Variants in CALCOCO2 observed in about 807,000 individuals in gnomAD.
The protein encoded by CALCOCO2 is calcium-binding and coiled-coil domain-containing protein 2.
In CALCOCO2, 42 loss-of-function variants were observed where a neutral mutation model predicts 62.5. That is an observed-to-expected ratio of 0.67 (90% CI 0.53 to 0.87). The LOEUF (loss-of-function observed/expected upper bound fraction) is 0.87, where lower values mean the gene tolerates loss of function less well. CALCOCO2 is among the 40% of genes least tolerant of loss of function. The pLI is 0.00. For synonymous variants in CALCOCO2, 167 were observed against 173.0 expected (o/e 0.97, Z 0.27); for missense variants, 456 against 515.0 (o/e 0.89, Z 1.11).
chr17:48,835,850 A>G (rs1395929762), intron 1 of CALCOCO2, among the ~76,000 whole-genome samples: 2 of 151,858 alleles, frequency 1.3e-5, no homozygotes, highest in African/African-American at 4.8e-5. Flanking sequence ...CCTGGGTTCA[A>G]GCGATTCTCT....
At chr17:48,848,582 T>A in intron 4 of CALCOCO2, 127 bp downstream of exon 4, 1 of 825,180 alleles carries the variant, frequency 1.2e-6, no homozygotes, top group Non-Finnish European at 2.0e-6. Context: ...ATGTATGTAG[T>A]ACTCACACAG....
At chr17:48,834,807 G>A (rs932002013) in intron 1 of CALCOCO2, among the ~76,000 whole-genome samples, 6 of 152,166 alleles carry the variant, frequency 3.9e-5, no homozygotes, top group African/African-American at 1.4e-4. Flanking sequence ...CAGCACTTTG[G>A]GAGGCCAATG....
intron 3 of CALCOCO2, 77 bp from the exon 4 acceptor site, chr17:48,848,245 G>T: frequency 6.5e-7 from 1 of 1,536,038 alleles, no homozygotes; most frequent in South Asian, 1.1e-5. Context: ...GCTTTCTGGG[G>T]CAGATAAAAA....
chr17:48,846,076 A>G (rs2040049323), intron 2 of CALCOCO2: 1 of 1,460,748 alleles, frequency 6.8e-7, no homozygotes, highest in Non-Finnish European at 9.2e-7. Flanking sequence ...CACCCCAGAC[A>G]CTGGTAGTAT....
intron 10 of CALCOCO2, 80 bp from the exon 11 acceptor site, chr17:48,860,234 G>A: frequency 9.2e-7 from 1 of 1,087,780 alleles, no homozygotes; most frequent in South Asian, 1.4e-5. Flanking sequence ...GAACTACCTG[G>A]GAGGGGCATC....
chr17:48,840,615 A>C (rs1247554760), intron 1 of CALCOCO2, among the ~76,000 whole-genome samples: 2 of 152,204 alleles, frequency 1.3e-5, no homozygotes, highest in Non-Finnish European at 2.9e-5. Flanking sequence ...CCCTCACTCA[A>C]AAACTCACTT....
chr17:48,860,241 C>CAG, intron 10 of CALCOCO2, 73 bp from the exon 11 acceptor site: 1 of 1,200,358 alleles, frequency 8.3e-7, no homozygotes, highest in Non-Finnish European at 1.2e-6. Flanking sequence ...CTGGGAGGGG[C>CAG]ATCTCCTAGC....
intron 2 of CALCOCO2, among the ~76,000 whole-genome samples, chr17:48,842,842 T>C (rs2039994428): frequency 6.6e-6 from 1 of 152,064 alleles, no homozygotes; most frequent in African/African-American, 2.4e-5. Context: ...GGTTTCACCA[T>C]GTTGGTCAGG....
At position 48,858,059 on chromosome 17, in the gene CALCOCO2, T is replaced by C. The variant is rs145789883; in HGVS notation, c.1008+1872T>C. The stretch of plus-strand genomic sequence containing the variant: ...GAATAGAATAGAAAATAGAATAGAA[T>C]AGAATAGAATAGAATTTTACCATCT... On this transcript the variant is annotated intron_variant, in intron 10 of 12. Coordinates refer to ENST00000258947, the MANE Select transcript of CALCOCO2 (RefSeq NM_005831.5). Among the ~76,000 whole-genome samples, 221 of 136,920 alleles carry C rather than the reference T, an allele frequency of 1.6e-3. 1 individual carries two copies. The highest frequency in any genetic ancestry group is 2.7e-3 in the Non-Finnish European group (166 of 62,630). 89.8% of individuals were successfully genotyped at this position (136,920 alleles called of 152,430 possible).
Position 48,862,297 on chromosome 17 carries a change from C to A in CALCOCO2, c.1166C>A (p.Pro389His). ...TCAGGTATCCAAGAAAGTTCTTCCC[C>A]CAGCCCGGTAAGTATTTGATTCATG... ...PYSGIQESSS[P>H]SPLSIKKCPI... The change falls in exon 12 of 13, where the codon CCC becomes CAC. Residue 389 changes from proline to histidine, a missense_variant. By Grantham distance (77) the Pro-to-His change is moderately conservative. Coordinates refer to ENST00000258947, the MANE Select transcript of CALCOCO2 (RefSeq NM_005831.5). 2 of 1,587,552 alleles carry A rather than the reference C, an allele frequency of 1.3e-6. No individual in the cohort carries two copies. Among genetic ancestry groups the A allele is most frequent in the Non-Finnish European group, 1.7e-6 (2 of 1,156,026 alleles).
rs775486120 is a variant in CALCOCO2 at position 48,848,125 on chromosome 17, T to A, written c.242T>A (p.Leu81Gln). 1 of 1,613,596 alleles carries A rather than the reference T, an allele frequency of 6.2e-7. No homozygotes were observed. Among genetic ancestry groups the A allele is most frequent in the Non-Finnish European group, 8.5e-7 (1 of 1,179,550 alleles). Residue 81 changes from leucine to glutamine, a missense_variant, in exon 3 of 13, where the codon CTA becomes CAA. By Grantham distance (113) the Leu-to-Gln change is moderately radical. Transcript: ENST00000258947. The stretch of plus-strand genomic sequence containing the variant: ...ATGTGGGTTACTTTGCCCATTGACC[T>A]AAACAACAAATCAGCTAAACAGCAG... ...TFMWVTLPID[L>Q]NNKSAKQQEV...
chr17:48,858,046 A>ATAGAATG, intron 10 of CALCOCO2, among the ~76,000 whole-genome samples: 2 of 40,036 alleles, frequency 5.0e-5, no homozygotes, highest in Non-Finnish European at 9.7e-5. Flanking sequence ...ATAGAATAGA[A>ATAGAATG]AATAGAATAG....
At chr17:48,861,677 A>ATATATATATATATATATATATATATATAT (rs1555574331) in intron 11 of CALCOCO2, among the ~76,000 whole-genome samples, 10 of 117,420 alleles carry the variant, frequency 8.5e-5, no homozygotes, top group African/African-American at 4.1e-4. Flanking sequence ...ATATATATAT[A>ATATATATATATATATATATATATATATAT]AAGCCTGTGT....
At chr17:48,841,159 A>G (rs1304128181) in intron 1 of CALCOCO2, among the ~76,000 whole-genome samples, 2 of 152,218 alleles carry the variant, frequency 1.3e-5, no homozygotes, top group South Asian at 2.1e-4. Flanking sequence ...CACCATTCTA[A>G]TTTAGAACCC....
chr17:48,844,894 G>A (rs1448743426), intron 2 of CALCOCO2, among the ~76,000 whole-genome samples: 1 of 152,056 alleles, frequency 6.6e-6, no homozygotes, highest in Non-Finnish European at 1.5e-5. Flanking sequence ...AATCCCAGGA[G>A]GGAGGCCAAG....
At chr17:48,856,787 TTTTTTC>T (rs892667153) in intron 10 of CALCOCO2, among the ~76,000 whole-genome samples, 6 of 151,768 alleles carry the variant, frequency 4.0e-5, no homozygotes, top group African/African-American at 1.5e-4. Flanking sequence ...TCTTTTTTTT[TTTTTTC>T]TTTTTTTGTT....
At chr17:48,833,112 C>T (rs2039839225) in intron 1 of CALCOCO2, among the ~76,000 whole-genome samples, 1 of 152,142 alleles carries the variant, frequency 6.6e-6, no homozygotes, top group Non-Finnish European at 1.5e-5. Flanking sequence ...GCTTTTGCTA[C>T]CTGTTTCAGG....
chr17:48,862,948 C>A lies in CALCOCO2; in HGVS notation c.1284C>A (p.Ile428=). 1 of 1,613,752 alleles carries A rather than the reference C, an allele frequency of 6.2e-7. No homozygotes were observed. The highest frequency in any genetic ancestry group is 8.5e-7 in the Non-Finnish European group (1 of 1,179,614). Residue 428 remains isoleucine (I), a synonymous_variant, in exon 13 of 13, where the codon ATC becomes ATA. Coordinates refer to ENST00000258947, the MANE Select transcript of CALCOCO2 (RefSeq NM_005831.5). ...TCAATTGTCCAATTTGTGACAAGAT[C>A]TTCCCAGCTACAGAGAAGCAGATCT... ...LCFNCPICDK[I]FPATEKQIFE... is the part of the protein sequence containing the mutation.
chr17:48,834,447 TG>T (rs2039861918), intron 1 of CALCOCO2, among the ~76,000 whole-genome samples: 1 of 152,200 alleles, frequency 6.6e-6, no homozygotes, highest in African/African-American at 2.4e-5. Flanking sequence ...TACCCATGCT[TG>T]ATAGTTTTGT....
Sources: gnomAD v4.1 joint callset for allele counts (sites outside exome capture counted in the v4.1 genomes callset) on GRCh38, gnomAD v4.1.1 for gene constraint, MANE v1.5 for transcripts, NCBI Gene and HGNC (gene_info 2026-07-23, HGNC 2026-07-21) for gene names.